Variants in PTPRD observed in about 807,000 individuals in gnomAD.
PTPRD encodes receptor-type tyrosine-protein phosphatase delta.
Under a neutral mutation model 214.5 loss-of-function variants are expected in PTPRD, and 34 were observed. The observed-to-expected ratio is 0.16, with a 90% CI of 0.12 to 0.21. The LOEUF (loss-of-function observed/expected upper bound fraction) is 0.21. Ranked by LOEUF, PTPRD falls within the 10% of genes least tolerant of loss-of-function variation. The pLI, the probability that PTPRD is intolerant of heterozygous loss-of-function variation, is 1.00. For missense variants in PTPRD, 2,545 were observed against 2,398.7 expected, an observed-to-expected ratio of 1.06 and a Z score of -1.27; for synonymous variants, 1,128 against 845.7, an observed-to-expected ratio of 1.33 and a Z score of -5.79.
At chr9:9,949,622 C>G (rs751539476) in intron 4 of PTPRD, among the ~76,000 whole-genome samples, 2 of 152,120 alleles carry the variant, frequency 1.3e-5, no homozygotes, top group Non-Finnish European at 2.9e-5. Flanking sequence ...GCTCCTAGTC[C>G]TACTACGGAG....
intron 2 of PTPRD, among the ~76,000 whole-genome samples, chr9:10,604,132 G>C (rs1003535775): frequency 6.6e-6 from 1 of 151,652 alleles, no homozygotes; most frequent in Non-Finnish European, 1.5e-5. Flanking sequence ...ATGAGTAATG[G>C]AGGAAAGAAA....
At chr9:9,070,571 A>G (rs1475579196) in intron 10 of PTPRD, among the ~76,000 whole-genome samples, 1 of 152,090 alleles carries the variant, frequency 6.6e-6, no homozygotes, top group Non-Finnish European at 1.5e-5. Context: ...ATAAGGCTCT[A>G]TACAGTTTTT....
intron 10 of PTPRD, among the ~76,000 whole-genome samples, chr9:9,066,229 T>G (rs2099732352): frequency 6.6e-6 from 1 of 152,166 alleles, no homozygotes; most frequent in Non-Finnish European, 1.5e-5. Context: ...CTGGAAGATT[T>G]TGTGTAGGAT....
intron 9 of PTPRD, among the ~76,000 whole-genome samples, chr9:9,312,158 C>T: frequency 6.6e-6 from 1 of 152,092 alleles, no homozygotes; most frequent in East Asian, 1.9e-4. Context: ...TTCATTTGAT[C>T]CTAAAAATAG....
intron 10 of PTPRD, among the ~76,000 whole-genome samples, chr9:9,041,892 A>G (rs572984521): frequency 3.9e-5 from 6 of 152,298 alleles, no homozygotes; most frequent in South Asian, 2.1e-4. Context: ...TTTCCCTTAG[A>G]ATTATTTGAA....
At chr9:8,367,167 A>G (rs1564315966) in intron 39 of PTPRD, among the ~76,000 whole-genome samples, 1 of 152,210 alleles carries the variant, frequency 6.6e-6, no homozygotes, top group Admixed American at 6.5e-5. Context: ...GGTTATAATT[A>G]AAGTAAGTCT....
At chr9:9,569,397 CAGT>C (rs2085639130) in intron 8 of PTPRD, among the ~76,000 whole-genome samples, 3 of 151,712 alleles carry the variant, frequency 2.0e-5, no homozygotes, top group African/African-American at 7.3e-5. Flanking sequence ...CATGTGATAA[CAGT>C]GGCAGTTTAT....
At chr9:9,225,918 T>C (rs1270863612) in intron 9 of PTPRD, among the ~76,000 whole-genome samples, 1 of 152,132 alleles carries the variant, frequency 6.6e-6, no homozygotes, top group African/African-American at 2.4e-5. Context: ...GAATACCTCC[T>C]CTTCTTCACA....
At chr9:10,340,865 A>C (rs2096926481) in intron 3 of PTPRD, 98 bp downstream of exon 3, 1 of 151,956 alleles carries the variant, frequency 6.6e-6, no homozygotes, top group African/African-American at 2.4e-5. Context: ...ACATGGTTTC[A>C]TGTTTTAAAT....
At chr9:10,272,760 T>C (rs2094489929) in intron 3 of PTPRD, among the ~76,000 whole-genome samples, 1 of 152,356 alleles carries the variant, frequency 6.6e-6, no homozygotes, top group East Asian at 1.9e-4. Context: ...AATTAAGCTG[T>C]ATTCAACTTG....
intron 3 of PTPRD, among the ~76,000 whole-genome samples, chr9:10,170,591 G>T (rs2099196235): frequency 6.6e-6 from 1 of 152,078 alleles, no homozygotes; most frequent in Non-Finnish European, 1.5e-5. Flanking sequence ...GGAGGCTGAG[G>T]CAGGAGAATG....
intron 11 of PTPRD, among the ~76,000 whole-genome samples, chr9:8,742,371 A>AT (rs1171015185): frequency 6.6e-6 from 1 of 152,180 alleles, no homozygotes; most frequent in Non-Finnish European, 1.5e-5. Context: ...TAATGAGAAC[A>AT]TTTTACATGA....
chr9:10,569,169 A>T (rs2066634353), intron 2 of PTPRD, among the ~76,000 whole-genome samples: 1 of 152,186 alleles, frequency 6.6e-6, no homozygotes, highest in African/African-American at 2.4e-5. Flanking sequence ...CACATGAAAA[A>T]ATGCTCATCA....
chr9:10,418,624 C>A (rs1050287280), intron 2 of PTPRD, among the ~76,000 whole-genome samples: 1 of 151,766 alleles, frequency 6.6e-6, no homozygotes, highest in Non-Finnish European at 1.5e-5. Flanking sequence ...CCACTTCCAC[C>A]CTAGAATATT....
Position 8,795,162 on chromosome 9 carries a change from G to A in PTPRD, c.-103-61216C>T, listed in dbSNP as rs1011110130. On this transcript the variant is annotated intron_variant, in intron 11 of 45. Transcript: ENST00000381196. ...ATCCACCCCTATGTTTATTTTATAT[G>A]AAGAAAAAAAAAATTTTTTTTGAGA... Among the ~76,000 whole-genome samples the A allele has an allele frequency of 2.0e-4, 31 of 151,730 alleles. 1 individual carries two copies. The highest frequency in any genetic ancestry group is 7.3e-4 in the African/African-American group (30 of 41,348).
intron 10 of PTPRD, among the ~76,000 whole-genome samples, chr9:9,034,007 T>C (rs1471308902): frequency 1.3e-5 from 2 of 152,102 alleles, no homozygotes; most frequent in Non-Finnish European, 2.9e-5. Flanking sequence ...GTAAGTAGTA[T>C]ACAAAATTCT....
intron 39 of PTPRD, among the ~76,000 whole-genome samples, chr9:8,369,252 T>C (rs1477656236): frequency 6.6e-6 from 1 of 152,134 alleles, no homozygotes; most frequent in Admixed American, 6.6e-5. Flanking sequence ...CAAGGTCTTT[T>C]GTTTTTATGC....
chr9:8,594,080 T>C (rs891424952), intron 14 of PTPRD, among the ~76,000 whole-genome samples: 6 of 152,202 alleles, frequency 3.9e-5, no homozygotes, highest in Non-Finnish European at 8.8e-5. Context: ...TGATGTAATA[T>C]ATAATGCCCA....
chr9:10,093,518 C>T lies in PTPRD; in HGVS notation c.-544-59728G>A, dbSNP rs114423681. ...TTGGTGGGAATCCAAATTAGTTCAGCCACTATGGAAAACTGTTTGGAGATT... is the reference window on the plus strand; with the variant it reads ...TTGGTGGGAATCCAAATTAGTTCAGTCACTATGGAAAACTGTTTGGAGATT... On this transcript the variant is annotated intron_variant, in intron 3 of 45. Transcript: ENST00000381196. 7.2e-3 allele frequency among the ~76,000 whole-genome samples: 1,093 copies of T among 151,596 alleles called. 9 individuals are homozygous for T. Among genetic ancestry groups the T allele is most frequent in the African/African-American group, 0.024 (1,010 of 41,478 alleles).
Sources: allele counts gnomAD v4.1 joint callset (sites outside exome capture counted in the v4.1 genomes callset), GRCh38; gene constraint gnomAD v4.1.1; transcripts MANE v1.5; gene names NCBI Gene and HGNC (gene_info 2026-07-23, HGNC 2026-07-21).